Variants in ZBTB20 observed in about 807,000 individuals in gnomAD.
ZBTB20 encodes zinc finger and BTB domain containing 20, also known as zinc finger and BTB domain-containing protein 20.
A neutral mutation model predicts 56.9 loss-of-function variants in ZBTB20; 9 were observed. The ratio of observed to expected loss-of-function variants is 0.16; its 90% CI spans 0.10 to 0.28. The LOEUF is 0.28. Ranked by LOEUF, ZBTB20 falls within the 10% of genes least tolerant of loss-of-function variation. The probability of loss-of-function intolerance (pLI) is 1.00; values close to 1 mark genes in which losing one functional copy is unlikely to be tolerated. For synonymous variants in ZBTB20, 417 were observed against 420.7 expected (o/e 0.99, Z 0.11); for missense variants, 655 against 1,003.0 (o/e 0.65, Z 4.69).
rs116236498 is a variant in ZBTB20, at chr3:114,567,208, G to C, written c.-294-66817C>G. On this transcript the variant is annotated intron_variant, in intron 6 of 11. Coordinates refer to ENST00000675478, the MANE Select transcript of ZBTB20 (RefSeq NM_001348800.3). ...GATGCTTGCTCGCAGGGTCCTATGT[G>C]TATCTTTTTCTTAGTGTGATGGTTG... Among the ~76,000 whole-genome samples, 581 of 152,152 alleles carry C rather than the reference G, an allele frequency of 3.8e-3. 3 individuals are homozygous for C. The highest frequency in any genetic ancestry group is 0.013 in the African/African-American group (541 of 41,474).
intron 2 of ZBTB20, among the ~76,000 whole-genome samples, chr3:115,035,048 T>C (rs939560579): frequency 1.3e-5 from 2 of 152,016 alleles, no homozygotes; most frequent in African/African-American, 4.8e-5. Context: ...CCTAACACCA[T>C]ATATAAAATT....
chr3:115,114,826 A>G (rs1328636732), intron 1 of ZBTB20, among the ~76,000 whole-genome samples: 1 of 152,110 alleles, frequency 6.6e-6, no homozygotes, highest in Non-Finnish European at 1.5e-5. Flanking sequence ...CGAATATGTT[A>G]TTTTTCAAAA....
intron 6 of ZBTB20, among the ~76,000 whole-genome samples, chr3:114,631,230 C>T (rs891951263): frequency 2.0e-5 from 3 of 151,818 alleles, no homozygotes; most frequent in African/African-American, 7.3e-5. Context: ...AGAGTCATTA[C>T]AAACAACCAA....
chr3:114,662,010 C>T (rs553889014), intron 6 of ZBTB20, among the ~76,000 whole-genome samples: 10 of 150,470 alleles, frequency 6.6e-5, no homozygotes, highest in Admixed American at 2.6e-4. Flanking sequence ...CCCACTAACT[C>T]GTCATCTAGC....
chr3:115,007,838 A>C (rs1201376053), intron 2 of ZBTB20, among the ~76,000 whole-genome samples: 5 of 151,736 alleles, frequency 3.3e-5, no homozygotes, highest in Admixed American at 6.6e-5. Flanking sequence ...TTTTGACTTG[A>C]CCTTACTTTA....
rs578135084 is a variant in ZBTB20 at position 115,119,342 on chromosome 3, G to A, written c.-703+27877C>T. 7.2e-5 allele frequency among the ~76,000 whole-genome samples: 11 copies of A among 151,998 alleles called. No individual in the cohort carries two copies. In the South Asian group the frequency reaches 2.3e-3, roughly 32 times the overall value. ...CTTTTGTACTCATCACTAAAATGAGGGAAATAAAAGGACCTATATTATAGA... is the reference window on the plus strand; with the variant it reads ...CTTTTGTACTCATCACTAAAATGAGAGAAATAAAAGGACCTATATTATAGA... On this transcript the variant is annotated intron_variant, in intron 1 of 11. Coordinates refer to ENST00000675478, the MANE Select transcript of ZBTB20 (RefSeq NM_001348800.3).
chr3:114,936,653 G>A (rs1016798648), intron 3 of ZBTB20, among the ~76,000 whole-genome samples: 4 of 152,164 alleles, frequency 2.6e-5, no homozygotes, highest in African/African-American at 9.7e-5. Flanking sequence ...TCTCACTAGT[G>A]ATGAAGGTAA....
Position 114,319,477 on chromosome 3 carries a change from A to C in ZBTB20, c.*19528T>G, listed in dbSNP as rs1241198564. 5.9e-5 allele frequency: 9 copies of C among 152,198 alleles called. No homozygotes were observed. Among genetic ancestry groups the C allele is most frequent in the African/African-American group, 1.9e-4 (8 of 41,444 alleles). 9.4% of individuals were successfully genotyped at this position (152,198 alleles called of 1,614,324 possible). A position where few individuals can be genotyped will look rare whatever the true frequency, so the allele number is the denominator to read the frequency against. ...TAAAACAAAACAAAACCAGAAAAAA[A>C]CCAGCAAACATTAAACAAATGATAG... On this transcript the variant is annotated 3_prime_UTR_variant, in exon 12 of 12. Coordinates refer to ENST00000675478, the MANE Select transcript of ZBTB20 (RefSeq NM_001348800.3).
intron 3 of ZBTB20, among the ~76,000 whole-genome samples, chr3:114,937,272 A>C (rs942307780): frequency 1.3e-5 from 2 of 152,084 alleles, no homozygotes; most frequent in African/African-American, 4.8e-5. Flanking sequence ...CATCCTCTCC[A>C]GCATCTGTTG....
intron 4 of ZBTB20, among the ~76,000 whole-genome samples, chr3:114,818,407 C>T (rs1349005165): frequency 6.6e-6 from 1 of 152,040 alleles, no homozygotes; most frequent in Non-Finnish European, 1.5e-5. Flanking sequence ...AAGTCCTTTG[C>T]TGAACTGTCA....
intron 5 of ZBTB20, among the ~76,000 whole-genome samples, chr3:114,792,939 G>A (rs560630753): frequency 9.0e-5 from 13 of 145,238 alleles, no homozygotes; most frequent in African/African-American, 2.0e-4. Flanking sequence ...GCAATGGTGC[G>A]ATCTCAGCTC....
chr3:114,526,298 TTC>T (rs1221897596), intron 6 of ZBTB20, among the ~76,000 whole-genome samples: 1 of 152,188 alleles, frequency 6.6e-6, no homozygotes, highest in Non-Finnish European at 1.5e-5. Context: ...TGCCAAGATA[TTC>T]TGTCTCTTCT....
intron 1 of ZBTB20, among the ~76,000 whole-genome samples, chr3:115,103,272 G>C (rs1373774811): frequency 6.6e-6 from 1 of 152,168 alleles, no homozygotes; most frequent in Non-Finnish European, 1.5e-5. Context: ...AACTGGTTCT[G>C]TCCCAAATTG....
chr3:115,005,965 A>C (rs1260324003), intron 2 of ZBTB20, among the ~76,000 whole-genome samples: 3 of 149,948 alleles, frequency 2.0e-5, no homozygotes, highest in African/African-American at 7.3e-5. Flanking sequence ...CATTCTACCC[A>C]CGTTAATGTC....
chr3:114,491,778 T>C (rs1242129207), intron 7 of ZBTB20, among the ~76,000 whole-genome samples: 2 of 152,170 alleles, frequency 1.3e-5, no homozygotes, highest in African/African-American at 4.8e-5. Context: ...CTCAAGATAT[T>C]GCAGTAGCTC....
At chr3:114,484,802 T>C (rs1231915349) in intron 7 of ZBTB20, among the ~76,000 whole-genome samples, 1 of 149,402 alleles carries the variant, frequency 6.7e-6, no homozygotes, top group African/African-American at 2.5e-5. Context: ...CAATAGAGTG[T>C]GTGTGTGTGT....
chr3:114,493,138 T>C (rs2042919301), intron 7 of ZBTB20, among the ~76,000 whole-genome samples: 1 of 152,224 alleles, frequency 6.6e-6, no homozygotes. Context: ...GTACATCATC[T>C]TGAGATTAGC....
At chr3:114,655,659 G>A (rs928323493) in intron 6 of ZBTB20, among the ~76,000 whole-genome samples, 2 of 152,072 alleles carry the variant, frequency 1.3e-5, no homozygotes, top group South Asian at 2.1e-4. Context: ...GTTGTTCTAA[G>A]GATTACAATA....
intron 6 of ZBTB20, among the ~76,000 whole-genome samples, chr3:114,653,092 T>C (rs76183894): frequency 0.058 from 8,775 of 152,010 alleles, 334 homozygotes; most frequent in Middle Eastern, 0.15. Context: ...AAACACAATG[T>C]TACTTCTTCC....
Sources: gnomAD v4.1 joint callset for allele counts (sites outside exome capture counted in the v4.1 genomes callset) on GRCh38, gnomAD v4.1.1 for gene constraint, MANE v1.5 for transcripts, NCBI Gene and HGNC (gene_info 2026-07-23, HGNC 2026-07-21) for gene names.